The following DDIAS variants were observed in gnomAD, a reference collection of about 807,000 sequenced individuals.
DDIAS encodes DNA damage-induced apoptosis suppressor protein.
DDIAS carries 14 observed loss-of-function variants against 15.7 expected under a neutral mutation model. The observed-to-expected ratio is 0.89, with a 90% confidence interval of 0.59 to 1.39. The LOEUF is 1.39. Among genes scored for constraint, DDIAS ranks in the 40% most tolerant of loss-of-function variants. The pLI is 0.00. For missense variants in DDIAS, 1,035 were observed against 1,130.9 expected, an observed-to-expected ratio of 0.92 and a Z score of 1.22; for synonymous variants, 355 against 395.9, an observed-to-expected ratio of 0.90 and a Z score of 1.23.
chr11:82,905,578 C>G (rs968952948), intron 1 of DDIAS, among the ~76,000 whole-genome samples: 2 of 152,144 alleles, frequency 1.3e-5, no homozygotes, highest in African/African-American at 4.8e-5. Flanking sequence ...TTCCTCCCAT[C>G]AAAAACTAAA....
intron 1 of DDIAS, among the ~76,000 whole-genome samples, chr11:82,905,005 A>G (rs901798845): frequency 6.6e-6 from 1 of 152,216 alleles, no homozygotes; most frequent in African/African-American, 2.4e-5. Context: ...AAATTAGTAG[A>G]ACATCTTTGG....
chr11:82,931,875 C>CT lies in DDIAS; in HGVS notation c.538dup (p.Tyr180LeufsTer10). The CT allele has an allele frequency of 1.2e-6, 2 of 1,614,196 alleles. No homozygotes were observed. The highest frequency in any genetic ancestry group is 1.7e-6 in the Non-Finnish European group (2 of 1,180,034). On this transcript the variant is annotated frameshift_variant, in exon 6 of 6. Coordinates refer to ENST00000533655, the MANE Select transcript of DDIAS (RefSeq NM_145018.4). LOFTEE classifies it low-confidence loss of function (END_TRUNC). ...GTATTGCAGGCTTTACTGTCATTGA[C>CT]TACTTCCATCAACTTTTGCAGACTT...
intron 3 of DDIAS, among the ~76,000 whole-genome samples, chr11:82,919,938 T>C (rs570913484): frequency 1.3e-5 from 2 of 152,292 alleles, no homozygotes; most frequent in African/African-American, 2.4e-5. Context: ...TTAGCCAGGA[T>C]GGTCTCGATC....
At chr11:82,925,179 CTA>C (rs1264251368) in intron 3 of DDIAS, among the ~76,000 whole-genome samples, 2 of 152,126 alleles carry the variant, frequency 1.3e-5, no homozygotes, top group African/African-American at 2.4e-5. Context: ...AAAAACATAA[CTA>C]TTTTTCATAA....
chr11:82,905,712 A>G (rs150000487), intron 1 of DDIAS, among the ~76,000 whole-genome samples: 7 of 152,274 alleles, frequency 4.6e-5, no homozygotes, highest in African/African-American at 7.2e-5. Flanking sequence ...CTGTAAGTCT[A>G]GTGACTAGGT....
Position 82,932,310 on chromosome 11 carries a change from A to T in DDIAS, c.972A>T (p.Ala324=). 1 of 1,614,032 alleles carries T rather than the reference A, an allele frequency of 6.2e-7. No homozygotes were observed. The change falls in exon 6 of 6, where the codon GCA becomes GCT. Residue 324 remains alanine, a synonymous_variant. Coordinates refer to ENST00000533655, the MANE Select transcript of DDIAS (RefSeq NM_145018.4). ...ELGLQAKELS[A]VHSSHHEIGV... ...GCTTACAAGCTAAGGAGCTGAGTGC[A>T]GTTCACAGCAGTCATCATGAAATTG...
chr11:82,901,998 T>C (rs973406210), intron 1 of DDIAS, among the ~76,000 whole-genome samples, 176 bp downstream of exon 1: 5 of 152,220 alleles, frequency 3.3e-5, no homozygotes, highest in African/African-American at 4.8e-5. Context: ...TATTTTATTT[T>C]AGACTCAGTG....
At chr11:82,905,686 T>C (rs2121311558) in intron 1 of DDIAS, among the ~76,000 whole-genome samples, 1 of 152,280 alleles carries the variant, frequency 6.6e-6, no homozygotes. Context: ...TTTTAATGTC[T>C]GTCTCTTACA....
Position 82,934,422 on chromosome 11 carries a change from G to A in DDIAS, c.*87G>A, listed in dbSNP as rs1280205462. 4 of 1,356,882 alleles carry A rather than the reference G, an allele frequency of 2.9e-6. No homozygotes were observed. Among genetic ancestry groups the A allele is most frequent in the Non-Finnish European group, 4.0e-6 (4 of 1,003,602 alleles). The allele number at this position is 1,356,882 out of a possible 1,614,324, so 84.1% of individuals were successfully genotyped here. A position where few individuals can be genotyped will look rare whatever the true frequency, so the allele number is the denominator to read the frequency against. ...GTACGGAAAGCATTCTTTACATTTT[G>A]AACACTTGGAGAGAAGCAAATTGAA... On this transcript the variant is annotated 3_prime_UTR_variant, in exon 6 of 6. Coordinates refer to ENST00000533655, the MANE Select transcript of DDIAS (RefSeq NM_145018.4).
chr11:82,934,465 A>T lies in DDIAS; in HGVS notation c.*130A>T, dbSNP rs2121379811. ...AAATTGAAAACAGGACTCTGCTGGG[A>T]GCTACTGTGCCTTTTAAAATATAAA... On this transcript the variant is annotated 3_prime_UTR_variant, in exon 6 of 6. Coordinates refer to ENST00000533655, the MANE Select transcript of DDIAS (RefSeq NM_145018.4). 1 of 890,012 alleles carries T rather than the reference A, an allele frequency of 1.1e-6. No homozygotes were observed. The highest frequency in any genetic ancestry group is 1.6e-6 in the Non-Finnish European group (1 of 610,894). The allele number at this position is 890,012 out of a possible 1,614,324, so 55.1% of individuals were successfully genotyped here. A position where few individuals can be genotyped will look rare whatever the true frequency, so the allele number is the denominator to read the frequency against.
intron 1 of DDIAS, among the ~76,000 whole-genome samples, chr11:82,906,828 T>A (rs1476500652): frequency 6.6e-6 from 1 of 152,174 alleles, no homozygotes; most frequent in African/African-American, 2.4e-5. Context: ...TAGAAGATAA[T>A]TTTATGATTT....
chr11:82,901,880 T>A (rs1860314750), intron 1 of DDIAS, 58 bp downstream of exon 1: 1 of 152,178 alleles, frequency 6.6e-6, no homozygotes, highest in South Asian at 2.1e-4. Flanking sequence ...CTAAGGAGGC[T>A]CTTAACTTCA....
chr11:82,919,668 G>A (rs1299527608), intron 3 of DDIAS, among the ~76,000 whole-genome samples: 1 of 152,162 alleles, frequency 6.6e-6, no homozygotes, highest in Non-Finnish European at 1.5e-5. Flanking sequence ...CAGAAGGATT[G>A]GTACCAATTC....
chr11:82,918,771 T>C (rs1416316116), intron 3 of DDIAS, among the ~76,000 whole-genome samples: 1 of 152,224 alleles, frequency 6.6e-6, no homozygotes, highest in East Asian at 1.9e-4. Context: ...GTTTTTCTTG[T>C]AGAGGTCTTT....
At chr11:82,905,365 T>C (rs1860406222) in intron 1 of DDIAS, among the ~76,000 whole-genome samples, 1 of 152,198 alleles carries the variant, frequency 6.6e-6, no homozygotes, top group Non-Finnish European at 1.5e-5. Context: ...ATTTTTATAG[T>C]ATTTATTGAT....
intron 3 of DDIAS, among the ~76,000 whole-genome samples, chr11:82,920,217 A>G (rs1860716620): frequency 6.6e-6 from 1 of 151,984 alleles, no homozygotes; most frequent in Non-Finnish European, 1.5e-5. Context: ...CAGTGGTGTC[A>G]GTTGTAATAT....
rs937738028 is a variant in DDIAS at position 82,901,839 on chromosome 11, G to C, written c.-117+17G>C. On this transcript the variant is annotated intron_variant, in intron 1 of 5. Transcript: ENST00000533655. The stretch of plus-strand genomic sequence containing the variant: ...CTCCCCCAGGTGAGCTGGGTAAAGG[G>C]GTTCTCGGGAAGCCGAAGAGCCGGA... The C allele has an allele frequency of 2.0e-5, 3 of 152,194 alleles. No homozygotes were observed. The highest frequency in any genetic ancestry group is 7.2e-5 in the African/African-American group (3 of 41,440). The allele number at this position is 152,194 out of a possible 1,614,324, so 9.4% of individuals were successfully genotyped here.
intron 4 of DDIAS, 24 bp from the exon 5 acceptor site, chr11:82,930,133 T>G: frequency 7.2e-7 from 1 of 1,381,864 alleles, no homozygotes; most frequent in Non-Finnish European, 1.0e-6. Context: ...TTGCTTCACA[T>G]TTTTTACTTT....
chr11:82,922,182 G>A (rs1276843692), intron 3 of DDIAS, among the ~76,000 whole-genome samples: 1 of 152,170 alleles, frequency 6.6e-6, no homozygotes, highest in Non-Finnish European at 1.5e-5. Context: ...TGATGACAGT[G>A]TGCCTAGGTG....
Sources: gnomAD v4.1 joint callset for allele counts (sites outside exome capture counted in the v4.1 genomes callset) on GRCh38, gnomAD v4.1.1 for gene constraint, MANE v1.5 for transcripts, NCBI Gene and HGNC (gene_info 2026-07-23, HGNC 2026-07-21) for gene names.